SHPRH: variants seen among roughly 807,000 people sequenced by gnomAD.
SHPRH encodes the protein E3 ubiquitin-protein ligase SHPRH.
SHPRH carries 106 observed loss-of-function variants against 202.5 expected under a neutral mutation model. The ratio of observed to expected loss-of-function variants is 0.52; its 90% CI spans 0.45 to 0.62. SHPRH has a LOEUF of 0.62. SHPRH is among the 20% of genes least tolerant of loss of function. The pLI is 0.00. For synonymous variants in SHPRH, 729 were observed against 686.0 expected (o/e 1.06, Z -0.98); for missense variants, 1,710 against 2,020.0 (o/e 0.85, Z 2.94).
chr6:145,930,861 T>C (rs1785365314), intron 14 of SHPRH, among the ~76,000 whole-genome samples: 2 of 152,202 alleles, frequency 1.3e-5, no homozygotes, highest in African/African-American at 4.8e-5. Flanking sequence ...TATAATTCTA[T>C]CAGTTTTTAG....
chr6:145,937,370 C>G lies in SHPRH; in HGVS notation c.2570-1929G>C, dbSNP rs78765677. On this transcript the variant is annotated intron_variant, in intron 11 of 29. Transcript: ENST00000275233. ...AATCTTGGTATCTCCTGATCTGTCACTGAGGCTTGTTAATTTTGCCTTATC... is the reference window on the plus strand; with the variant it reads ...AATCTTGGTATCTCCTGATCTGTCAGTGAGGCTTGTTAATTTTGCCTTATC... Among the ~76,000 whole-genome samples, 583 of 152,302 alleles carry G rather than the reference C, an allele frequency of 3.8e-3. 5 individuals are homozygous for G. The highest frequency in any genetic ancestry group is 0.013 in the African/African-American group (559 of 41,570).
At chr6:145,917,080 C>A (rs1226893489) in intron 23 of SHPRH, 1 of 152,084 alleles carries the variant, frequency 6.6e-6, no homozygotes, top group African/African-American at 2.4e-5. Context: ...TTAATGTTAG[C>A]AATTTGCATG....
downstream of SHPRH, among the ~76,000 whole-genome samples, chr6:145,863,040 T>A (rs1050188709): frequency 2.0e-5 from 3 of 152,224 alleles, no homozygotes; most frequent in African/African-American, 7.2e-5. Flanking sequence ...GACAGGAGTT[T>A]GAATCTAAGG....
intron 11 of SHPRH, among the ~76,000 whole-genome samples, chr6:145,939,587 C>G (rs1786518102): frequency 6.6e-6 from 1 of 152,140 alleles, no homozygotes; most frequent in African/African-American, 2.4e-5. Flanking sequence ...TCTGTACCCT[C>G]TCAGCTAACT....
chr6:145,912,844 T>C (rs1262515246), intron 24 of SHPRH, among the ~76,000 whole-genome samples: 1 of 151,210 alleles, frequency 6.6e-6, no homozygotes, highest in Non-Finnish European at 1.5e-5. Context: ...GAGCAATGAA[T>C]AGTCTGATAT....
intron 15 of SHPRH, among the ~76,000 whole-genome samples, chr6:145,926,954 A>C (rs977643542): frequency 1.3e-5 from 2 of 151,994 alleles, no homozygotes; most frequent in Admixed American, 6.6e-5. Context: ...ACTGTAGCTT[A>C]TATAGACTTA....
At chr6:145,896,294 G>A (rs1031758486) in intron 25 of SHPRH, among the ~76,000 whole-genome samples, 6 of 152,030 alleles carry the variant, frequency 3.9e-5, no homozygotes, top group African/African-American at 7.2e-5. Flanking sequence ...AAACAAGAGC[G>A]AAGAGAAAAT....
At position 145,941,853 on chromosome 6, in the gene SHPRH, C is replaced by G. The variant is rs780292444; in HGVS notation, c.2260G>C (p.Asp754His). 6.2e-6 allele frequency: 10 copies of G among 1,613,686 alleles called. No individual in the cohort carries two copies. The highest frequency in any genetic ancestry group is 1.3e-5 in the African/African-American group (1 of 74,892). The stretch of plus-strand genomic sequence containing the variant: ...AAAAAATGAGGTTGTAAAAAGCCAT[C>G]TTTCTTCACTCCTTGATATACCTAG... ...RVLVYQGVKK[D>H]GFLQPHFLAE... The change falls in exon 10 of 30, where the codon GAT becomes CAT. Residue 754 changes from aspartate (D) to histidine (H), a missense_variant. Transcript: ENST00000275233.
chr6:145,937,567 A>G (rs1468503300), intron 11 of SHPRH, among the ~76,000 whole-genome samples: 1 of 152,016 alleles, frequency 6.6e-6, no homozygotes, highest in Non-Finnish European at 1.5e-5. Context: ...TACAAATCTA[A>G]CCACAAAATG....
intron 25 of SHPRH, chr6:145,904,818 ATTT>A (rs929937544): frequency 6.6e-6 from 1 of 151,990 alleles, no homozygotes; most frequent in Admixed American, 6.6e-5. Flanking sequence ...TATAAACTTA[ATTT>A]TTTTTAAAAG....
intron 23 of SHPRH, 68 bp from the exon 24 acceptor site, chr6:145,913,617 C>G: frequency 7.5e-7 from 1 of 1,340,602 alleles, no homozygotes; most frequent in Non-Finnish European, 1.0e-6. Flanking sequence ...ATATGTTTTG[C>G]AACTCATTTA....
chr6:145,886,497 A>T lies in SHPRH; in HGVS notation c.*194T>A. On this transcript the variant is annotated 3_prime_UTR_variant, in exon 30 of 30. Transcript: ENST00000275233. Reference sequence around the variant, plus strand: ...GGAGTGTAAAATTAAGAATCTTTATAGATCTTTTGGAAACAGTATATTGAA... The same window carrying T: ...GGAGTGTAAAATTAAGAATCTTTATTGATCTTTTGGAAACAGTATATTGAA... 9.8e-7 allele frequency: 1 copy of T among 1,019,920 alleles called. No homozygotes were observed. Among genetic ancestry groups the T allele is most frequent in the Non-Finnish European group, 1.5e-6 (1 of 667,924 alleles). The allele number at this position is 1,019,920 out of a possible 1,614,324, so 63.2% of individuals were successfully genotyped here.
chr6:145,890,113 C>T (rs1781450934), intron 28 of SHPRH, among the ~76,000 whole-genome samples: 1 of 152,156 alleles, frequency 6.6e-6, no homozygotes, highest in Admixed American at 6.5e-5. Context: ...ATCTCATTCT[C>T]TTCCTTTTCT....
chr6:145,873,885 T>C (rs1780176743), intron 2 of SHPRH, among the ~76,000 whole-genome samples: 1 of 152,130 alleles, frequency 6.6e-6, no homozygotes, highest in Admixed American at 6.5e-5. Flanking sequence ...AGTGATATTA[T>C]GTTAGTATTA....
chr6:145,962,510 C>T (rs757224540), intron 1 of SHPRH, among the ~76,000 whole-genome samples: 18 of 152,038 alleles, frequency 1.2e-4, no homozygotes, highest in Non-Finnish European at 2.9e-5. Context: ...GGGAAAACTG[C>T]CTGAACTGTA....
intron 14 of SHPRH, among the ~76,000 whole-genome samples, chr6:145,927,688 T>G (rs1412485516): frequency 6.6e-6 from 1 of 151,710 alleles, no homozygotes; most frequent in African/African-American, 2.4e-5. Context: ...AATTATAGAT[T>G]ATTTATTAAA....
At chr6:145,869,200 T>A (rs1779942208) in intron 2 of SHPRH, among the ~76,000 whole-genome samples, 1 of 152,226 alleles carries the variant, frequency 6.6e-6, no homozygotes. Context: ...AGTTGTTTAT[T>A]TTCTTATTGT....
chr6:145,907,923 CCTG>C (rs1783118307), intron 25 of SHPRH: 2 of 152,206 alleles, frequency 1.3e-5, no homozygotes, highest in Non-Finnish European at 2.9e-5. Flanking sequence ...TCCTTACTCC[CCTG>C]CCCCAACAAG....
intron 18 of SHPRH, 55 bp from the exon 19 acceptor site, chr6:145,922,891 T>C (rs1784544040): frequency 6.8e-7 from 1 of 1,464,026 alleles, no homozygotes; most frequent in African/African-American, 1.5e-5. Context: ...ATAGGTCAAT[T>C]TCCTCAAATT....
Sources: allele counts gnomAD v4.1 joint callset (sites outside exome capture counted in the v4.1 genomes callset), GRCh38; gene constraint gnomAD v4.1.1; transcripts MANE v1.5; gene names NCBI Gene and HGNC (gene_info 2026-07-23, HGNC 2026-07-21).